The following MSH3 variants were observed in gnomAD, a reference collection of about 807,000 sequenced individuals.
MSH3 encodes DNA mismatch repair protein Msh3.
Under a neutral mutation model 123.3 loss-of-function variants are expected in MSH3, and 106 were observed. That is an observed-to-expected ratio of 0.86 (90% confidence interval 0.73 to 1.01). The LOEUF is 1.01. Ranked by LOEUF, MSH3 falls within the 50% of genes least tolerant of loss-of-function variation. MSH3 has a pLI of 0.00. For synonymous variants in MSH3, 515 were observed against 481.4 expected (o/e 1.07, Z -0.91); for missense variants, 1,459 against 1,347.6 (o/e 1.08, Z -1.29).
chr5:80,814,167 C>T (rs995182602), intron 20 of MSH3, among the ~76,000 whole-genome samples: 12 of 151,544 alleles, frequency 7.9e-5, no homozygotes, highest in Non-Finnish European at 1.5e-4. Flanking sequence ...GAAAAAAAAC[C>T]CACGTTATTT....
At chr5:80,780,065 C>G (rs545266714) in intron 17 of MSH3, among the ~76,000 whole-genome samples, 2 of 152,104 alleles carry the variant, frequency 1.3e-5, no homozygotes, top group African/African-American at 4.8e-5. Flanking sequence ...TTTGAAGAGT[C>G]CTTGCCATTG....
chr5:80,849,487 A>G (rs139566775), intron 20 of MSH3, among the ~76,000 whole-genome samples: 1 of 152,308 alleles, frequency 6.6e-6, no homozygotes, highest in African/African-American at 2.4e-5. Context: ...CTGGACATCC[A>G]GTTATTTCCA....
chr5:80,849,199 C>A (rs1006846914), intron 20 of MSH3, among the ~76,000 whole-genome samples: 6 of 152,190 alleles, frequency 3.9e-5, no homozygotes, highest in Non-Finnish European at 8.8e-5. Context: ...TTCCCATGGT[C>A]TTGGGCACCT....
chr5:80,874,670 T>G (rs1030774801), intron 23 of MSH3, among the ~76,000 whole-genome samples: 12 of 152,226 alleles, frequency 7.9e-5, no homozygotes, highest in African/African-American at 2.4e-4. Flanking sequence ...ATAAAATATG[T>G]CAATTTCTAA....
intron 3 of MSH3, among the ~76,000 whole-genome samples, chr5:80,669,736 T>C (rs6151628): frequency 0.05 from 7,588 of 152,280 alleles, 333 homozygotes; most frequent in Admixed American, 0.14. Context: ...TTTGTCCCCA[T>C]TGGCCTTTTG....
chr5:80,665,508 T>G, intron 3 of MSH3, 145 bp downstream of exon 3: 1 of 666,174 alleles, frequency 1.5e-6, no homozygotes, highest in South Asian at 1.8e-5. Context: ...GTGTTTTAGT[T>G]TAGTTTTCTT....
rs1379605717 is a variant in MSH3 at position 80,728,931 on chromosome 5, G to T, written c.1534G>T (p.Glu512Ter). Residue 512 changes from glutamate (E) to a stop codon, truncating the protein, a stop_gained, in exon 10 of 24, where the codon GAA becomes TAA. Transcript: ENST00000265081. LOFTEE classifies it high-confidence loss of function. ...GGCTGCCATCATAAAATACCTCAAA[G>T]AATTCAACTTGGAAAAGATGCTCTC... ...SLAAIIKYLK[E>*]FNLEKMLSKP... The T allele has an allele frequency of 6.2e-7, 1 of 1,610,858 alleles. No homozygotes were observed. Among genetic ancestry groups the T allele is most frequent in the Admixed American group, 1.7e-5 (1 of 60,008 alleles).
At chr5:80,680,554 A>T (rs1749951780) in intron 8 of MSH3, among the ~76,000 whole-genome samples, 1 of 151,418 alleles carries the variant, frequency 6.6e-6, no homozygotes, top group Admixed American at 6.6e-5. Flanking sequence ...CTGCTGCAAA[A>T]TCACTTTTCT....
chr5:80,839,268 TGA>T (rs59964432), intron 20 of MSH3, among the ~76,000 whole-genome samples: 6,217 of 152,204 alleles, frequency 0.041, 418 homozygotes, highest in African/African-American at 0.14. Flanking sequence ...CTTGGGAGGC[TGA>T]GGCGTGAGAA....
At chr5:80,673,572 A>T (rs1749769005) in intron 6 of MSH3, among the ~76,000 whole-genome samples, 1 of 152,188 alleles carries the variant, frequency 6.6e-6, no homozygotes, top group African/African-American at 2.4e-5. Flanking sequence ...CAAAATGTGA[A>T]AAGAGAACTG....
At chr5:80,657,527 G>T (rs1749319968) in intron 2 of MSH3, among the ~76,000 whole-genome samples, 1 of 152,150 alleles carries the variant, frequency 6.6e-6, no homozygotes, top group African/African-American at 2.4e-5. Context: ...TCTAGAGGTG[G>T]TGTTGCATAT....
At chr5:80,680,855 G>T (rs1411017879) in intron 8 of MSH3, among the ~76,000 whole-genome samples, 1 of 151,928 alleles carries the variant, frequency 6.6e-6, no homozygotes, top group Non-Finnish European at 1.5e-5. Context: ...TGTCATATAA[G>T]TGTATCATAA....
rs139205893 is a variant in MSH3, at chr5:80,854,316, T to G, written c.3000T>G (p.Asp1000Glu). 71 of 1,612,572 alleles carry G rather than the reference T, an allele frequency of 4.4e-5. No individual in the cohort carries two copies. Among genetic ancestry groups the G allele is most frequent in the South Asian group, 3.3e-4 (30 of 90,980 alleles). The part of the protein sequence containing the change: ...AYATLEYFIR[D>E]VKSLTLFVTH... The stretch of plus-strand genomic sequence containing the variant: ...CTACACTTGAGTATTTCATCAGAGA[T>G]GTAAGTATCCGGTAAACTGTATTTA... Residue 1000 changes from aspartate to glutamate, a missense_variant and splice_region_variant, in exon 21 of 24, where the codon GAT becomes GAG. Asp to Glu is a conservative substitution (Grantham distance 45). Transcript: ENST00000265081.
intron 17 of MSH3, among the ~76,000 whole-genome samples, chr5:80,784,125 G>A (rs919335146): frequency 1.4e-5 from 2 of 147,660 alleles, no homozygotes; most frequent in African/African-American, 2.5e-5. Flanking sequence ...CAGGAGAATC[G>A]CTGGAATCTG....
chr5:80,797,133 A>G (rs1236051955), intron 19 of MSH3, among the ~76,000 whole-genome samples: 1 of 142,802 alleles, frequency 7.0e-6, no homozygotes, highest in African/African-American at 2.6e-5. Flanking sequence ...CTTGCCTTGG[A>G]TGTCAGCTCT....
intron 12 of MSH3, among the ~76,000 whole-genome samples, chr5:80,756,481 T>G (rs1341800460): frequency 6.6e-6 from 1 of 152,108 alleles, no homozygotes; most frequent in Admixed American, 6.6e-5. Context: ...TGTGATCACA[T>G]TTTCAAACCT....
intron 8 of MSH3, among the ~76,000 whole-genome samples, chr5:80,691,144 G>A (rs898902668): frequency 7.2e-5 from 11 of 151,860 alleles, no homozygotes; most frequent in African/African-American, 1.5e-4. Context: ...TTTAGACTAC[G>A]TATTTAAAAT....
In MSH3 at chr5:80,728,950, T is replaced by TG. The variant is rs1743354875; in HGVS notation, c.1554dup (p.Leu519AlafsTer5). The stretch of plus-strand genomic sequence containing the variant: ...CTCAAAGAATTCAACTTGGAAAAGA[T>TG]GCTCTCCAAACCTGAGTAAGTGATT... On this transcript the variant is annotated frameshift_variant, in exon 10 of 24. Coordinates refer to ENST00000265081, the MANE Select transcript of MSH3 (RefSeq NM_002439.5). LOFTEE classifies it high-confidence loss of function. The TG allele has an allele frequency of 6.3e-7, 1 of 1,598,016 alleles. No homozygotes were observed. Among genetic ancestry groups the TG allele is most frequent in the African/African-American group, 1.3e-5 (1 of 74,524 alleles).
At chr5:80,666,291 A>T (rs1365886473) in intron 3 of MSH3, among the ~76,000 whole-genome samples, 1 of 152,162 alleles carries the variant, frequency 6.6e-6, no homozygotes, top group Non-Finnish European at 1.5e-5. Flanking sequence ...GTGTGTATGT[A>T]TATATATGAG....
Sources: gnomAD v4.1 joint callset for allele counts (sites outside exome capture counted in the v4.1 genomes callset) on GRCh38, gnomAD v4.1.1 for gene constraint, MANE v1.5 for transcripts, NCBI Gene and HGNC (gene_info 2026-07-23, HGNC 2026-07-21) for gene names.